Variants in PCDHGB1 observed in about 807,000 individuals in gnomAD.
PCDHGB1 encodes protocadherin gamma-B1.
Under a neutral mutation model 56.6 loss-of-function variants are expected in PCDHGB1, and 34 were observed. The observed-to-expected ratio is 0.60, with a 90% confidence interval of 0.46 to 0.80. The LOEUF (loss-of-function observed/expected upper bound fraction) is 0.80. PCDHGB1 is among the 30% of genes least tolerant of loss of function. PCDHGB1 has a pLI of 0.00. For missense variants in PCDHGB1, 1,278 were observed against 1,204.6 expected, an observed-to-expected ratio of 1.06 and a Z score of -0.90; for synonymous variants, 561 against 505.9, an observed-to-expected ratio of 1.11 and a Z score of -1.46.
intron 3 of PCDHGB1, among the ~76,000 whole-genome samples, chr5:141,506,925 A>G (rs1287267937): frequency 1.3e-5 from 2 of 152,152 alleles, no homozygotes; most frequent in African/African-American, 4.8e-5. Context: ...ATACTAAACA[A>G]ACTTTAGGGG....
In PCDHGB1 at chr5:141,491,365, T is replaced by A. The variant is rs201011046; in HGVS notation, c.2410-3442T>A. ...CGTCAGTCTCTTATCCCTAGTCACC[T>A]TCACCTTTCTGTCAGCGAAGTGCCT... On this transcript the variant is annotated intron_variant, in intron 1 of 3. Transcript: ENST00000523390. This position sits in a 1 kb window ranked among gnomAD's most constrained non-coding sequence, Gnocchi z 6.9. 1.7e-5 allele frequency: 27 copies of A among 1,614,016 alleles called. No individual in the cohort carries two copies. The highest frequency in any genetic ancestry group is 2.0e-5 in the Non-Finnish European group (24 of 1,179,982).
chr5:141,362,144 A>G lies in PCDHGB1; in HGVS notation c.2409+9475A>G, dbSNP rs1310397180. 5 of 1,614,008 alleles carry G rather than the reference A, an allele frequency of 3.1e-6. 1 individual carries two copies. In the South Asian group the frequency reaches 5.5e-5, roughly 18 times the overall value. ...CTAATCTTCGCGGATAGCCTGCAAGAGGTATTGCCAGACCTCAGCGACCGC... is the reference window on the plus strand; with the variant it reads ...CTAATCTTCGCGGATAGCCTGCAAGGGGTATTGCCAGACCTCAGCGACCGC... On this transcript the variant is annotated intron_variant, in intron 1 of 3. Coordinates refer to ENST00000523390, the MANE Select transcript of PCDHGB1 (RefSeq NM_018922.3).
chr5:141,405,124 G>A (rs1490821452), intron 1 of PCDHGB1: 2 of 1,614,020 alleles, frequency 1.2e-6, no homozygotes, highest in Admixed American at 3.3e-5. Context: ...CCTCGCATCT[G>A]CTGCGGGCTA....
intron 1 of PCDHGB1, chr5:141,409,213 C>A (rs1379007048): frequency 6.2e-7 from 1 of 1,613,994 alleles, no homozygotes; most frequent in East Asian, 2.2e-5. Context: ...TCATAGAAAT[C>A]CTTGATGAAA....
intron 1 of PCDHGB1, chr5:141,408,314 C>A (rs1408322838): frequency 1.2e-6 from 2 of 1,613,846 alleles, no homozygotes; most frequent in Admixed American, 3.3e-5. Context: ...CTACTCGATT[C>A]CGGAGGAGCT....
intron 1 of PCDHGB1, chr5:141,383,317 G>A (rs376453261): frequency 1.9e-6 from 3 of 1,614,000 alleles, no homozygotes; most frequent in African/African-American, 2.7e-5. Context: ...AGAAATAAAT[G>A]TAAAAATAAT....
intron 1 of PCDHGB1, chr5:141,427,830 C>G (rs749612858): frequency 7.8e-6 from 12 of 1,538,206 alleles, no homozygotes; most frequent in Non-Finnish European, 1.1e-5. Context: ...GGTCGCGCAG[C>G]GTGCCTTCGA....
At chr5:141,370,379 A>G in intron 1 of PCDHGB1, 2 of 1,529,484 alleles carry the variant, frequency 1.3e-6, no homozygotes, top group Non-Finnish European at 1.8e-6. Flanking sequence ...AGAAAGGCAA[A>G]GGCGCAGAGA....
Position 141,423,358 on chromosome 5 carries a change from G to A in PCDHGB1, c.2409+70689G>A, listed in dbSNP as rs202010010. The A allele has an allele frequency of 2.3e-4, 371 of 1,614,078 alleles. 1 individual carries two copies. The highest frequency in any genetic ancestry group is 2.8e-4 in the Non-Finnish European group (334 of 1,180,024). ...CTGCATCTTCCTGGTCTTTGTCATC[G>A]TGCTGCTGGCACTCAGGCTGTGGCG... On this transcript the variant is annotated intron_variant, in intron 1 of 3. Coordinates refer to ENST00000523390, the MANE Select transcript of PCDHGB1 (RefSeq NM_018922.3).
chr5:141,365,777 G>C, intron 1 of PCDHGB1: 1 of 1,613,854 alleles, frequency 6.2e-7, no homozygotes, highest in Non-Finnish European at 8.5e-7. Flanking sequence ...CGACAGCGGC[G>C]ACAACGCTCG....
intron 1 of PCDHGB1, chr5:141,423,749 TTGGGGGGGGGG>T: frequency 3.7e-6 from 1 of 272,202 alleles, no homozygotes; most frequent in Non-Finnish European, 4.7e-6. Context: ...TGAAAACTGT[TTGGGGGGGGGG>T]TGGGGCGGCA....
intron 1 of PCDHGB1, chr5:141,355,579 A>C: frequency 6.2e-7 from 1 of 1,614,014 alleles, no homozygotes. Context: ...AATCGATGTT[A>C]ATGATAACCC....
chr5:141,372,239 G>A lies in PCDHGB1; in HGVS notation c.2409+19570G>A, dbSNP rs771921907. The A allele has an allele frequency of 2.5e-6, 4 of 1,613,314 alleles. No homozygotes were observed. The Admixed American group carries it at 6.7e-5, about 27-fold the overall frequency. ...ACATTGTGCAGGCCAGCGAGCCCGGGCTGTTCAGCCTGGGCCTGCGCACGG... is the reference window on the plus strand; with the variant it reads ...ACATTGTGCAGGCCAGCGAGCCCGGACTGTTCAGCCTGGGCCTGCGCACGG... On this transcript the variant is annotated intron_variant, in intron 1 of 3. Coordinates refer to ENST00000523390, the MANE Select transcript of PCDHGB1 (RefSeq NM_018922.3).
At chr5:141,448,692 G>A (rs913533738) in intron 1 of PCDHGB1, among the ~76,000 whole-genome samples, 6 of 152,072 alleles carry the variant, frequency 3.9e-5, no homozygotes, top group African/African-American at 9.7e-5. Context: ...TGTAATCGCA[G>A]CACTTTGGGA....
At chr5:141,439,124 CAG>C (rs2098089371) in intron 1 of PCDHGB1, among the ~76,000 whole-genome samples, 1 of 150,004 alleles carries the variant, frequency 6.7e-6, no homozygotes, top group Non-Finnish European at 1.5e-5. Flanking sequence ...ACCCGGGAGA[CAG>C]AGGTTGCAGT....
At chr5:141,384,521 C>T (rs1255804611) in intron 1 of PCDHGB1, 3 of 1,614,122 alleles carry the variant, frequency 1.9e-6, no homozygotes, top group Non-Finnish European at 1.7e-6. Flanking sequence ...GGGGACCCGC[C>T]TCTCAGCAGC....
chr5:141,458,972 GTCC>G (rs2154566422), intron 1 of PCDHGB1, among the ~76,000 whole-genome samples: 1 of 151,882 alleles, frequency 6.6e-6, no homozygotes, highest in East Asian at 1.9e-4. Context: ...GCCTCAAGCA[GTCC>G]TCCTGCCTCA....
intron 1 of PCDHGB1, chr5:141,404,979 G>A (rs771576875): frequency 6.2e-7 from 1 of 1,613,994 alleles, no homozygotes; most frequent in Non-Finnish European, 8.5e-7. Context: ...GCTGACCTGG[G>A]CAGTCTTCAG....
At chr5:141,389,714 C>A in intron 1 of PCDHGB1, 1 of 1,612,536 alleles carries the variant, frequency 6.2e-7, no homozygotes, top group South Asian at 1.1e-5. Flanking sequence ...TGCAGGCTAG[C>A]GAGCCCGGGC....
Sources: allele counts gnomAD v4.1 joint callset (sites outside exome capture counted in the v4.1 genomes callset), GRCh38; gene constraint gnomAD v4.1.1; non-coding constraint Gnocchi (gnomAD v3.1); transcripts MANE v1.5; gene names NCBI Gene and HGNC (gene_info 2026-07-23, HGNC 2026-07-21).